The following HTR1F variants were observed in gnomAD, a reference collection of about 807,000 sequenced individuals.
HTR1F encodes the protein 5-hydroxytryptamine receptor 1F.
HTR1F carries 17 observed loss-of-function variants against 24.0 expected under a neutral mutation model. The ratio of observed to expected loss-of-function variants is 0.71; its 90% CI spans 0.48 to 1.06. The LOEUF (loss-of-function observed/expected upper bound fraction) is 1.06. HTR1F is among the 50% of genes least tolerant of loss of function. The pLI is 0.00. For missense variants in HTR1F, 391 were observed against 427.8 expected (o/e 0.91, Z 0.76); for synonymous variants, 186 against 156.8 (o/e 1.19, Z -1.39).
intron 2 of HTR1F, among the ~76,000 whole-genome samples, chr3:87,887,761 C>G (rs1281722460): frequency 6.6e-6 from 1 of 152,160 alleles, no homozygotes; most frequent in African/African-American, 2.4e-5. Context: ...AAATCAAAAC[C>G]ACAATGAGAT....
intron 2 of HTR1F, among the ~76,000 whole-genome samples, chr3:87,839,805 T>C (rs1310681674): frequency 6.6e-6 from 1 of 152,152 alleles, no homozygotes; most frequent in East Asian, 1.9e-4. Flanking sequence ...CCTATTTTTA[T>C]GACCATGTGT....
At chr3:87,841,923 G>GAAAAAAA (rs370439117) in intron 2 of HTR1F, among the ~76,000 whole-genome samples, 3 of 114,984 alleles carry the variant, frequency 2.6e-5, no homozygotes, top group Admixed American at 9.2e-5. Flanking sequence ...AAAAGAAAAA[G>GAAAAAAA]AAAAAAAAAA....
chr3:87,830,612 A>G (rs1451700780), intron 2 of HTR1F, among the ~76,000 whole-genome samples: 2 of 152,344 alleles, frequency 1.3e-5, no homozygotes, highest in South Asian at 2.1e-4. Flanking sequence ...GTATCTTGAA[A>G]TTAGTGGCAG....
At chr3:87,919,300 G>C (rs1313941611) in intron 2 of HTR1F, among the ~76,000 whole-genome samples, 1 of 151,894 alleles carries the variant, frequency 6.6e-6, no homozygotes, top group Non-Finnish European at 1.5e-5. Flanking sequence ...ACCCCTTCTA[G>C]ACAATGGCTT....
intron 2 of HTR1F, among the ~76,000 whole-genome samples, chr3:87,935,364 A>T (rs192979501): frequency 3.9e-5 from 6 of 152,256 alleles, no homozygotes; most frequent in Admixed American, 2.0e-4. Context: ...GCTCTTTAAG[A>T]GTCAATTTCA....
At chr3:87,799,014 GA>G (rs1457493697) in intron 1 of HTR1F, among the ~76,000 whole-genome samples, 4 of 152,040 alleles carry the variant, frequency 2.6e-5, no homozygotes, top group Non-Finnish European at 4.4e-5. Flanking sequence ...ACAAAAATAG[GA>G]AAAAATGAAA....
intron 2 of HTR1F, among the ~76,000 whole-genome samples, chr3:87,839,251 AG>A (rs1413847766): frequency 1.3e-5 from 2 of 152,016 alleles, no homozygotes; most frequent in Non-Finnish European, 2.9e-5. Flanking sequence ...CATTGTAGAT[AG>A]TGTAAGATAA....
At chr3:87,869,656 G>C (rs1272014010) in intron 2 of HTR1F, among the ~76,000 whole-genome samples, 1 of 152,030 alleles carries the variant, frequency 6.6e-6, no homozygotes. Flanking sequence ...CCAGAATCAA[G>C]ACACAAGAAA....
At chr3:87,947,798 T>TATC (rs10663762) in intron 2 of HTR1F, among the ~76,000 whole-genome samples, 145,867 of 152,150 alleles carry the variant, frequency 0.96, 69,963 homozygotes, top group African/African-American at 0.99. Flanking sequence ...ATATTTATTA[T>TATC]ATAACTATTA....
At position 87,952,601 on chromosome 3, in the gene HTR1F, C is replaced by T. The variant is rs140271473; in HGVS notation, c.-42-38107C>T. On this transcript the variant is annotated intron_variant, in intron 2 of 2. Transcript: ENST00000319595. ...GGCAATAAAGGAAATGATATCTTCA[C>T]GTAGAAATTTAAAAACCTGTTTCTC... 2.9e-3 allele frequency among the ~76,000 whole-genome samples: 443 copies of T among 152,048 alleles called. 2 individuals carry two copies. The highest frequency in any genetic ancestry group is 0.01 in the African/African-American group (425 of 41,546).
intron 2 of HTR1F, among the ~76,000 whole-genome samples, chr3:87,914,022 A>C (rs1402568776): frequency 1.3e-5 from 2 of 152,162 alleles, no homozygotes; most frequent in Non-Finnish European, 2.9e-5. Context: ...CTCCTGCAGG[A>C]CCCGGCAGAC....
intron 2 of HTR1F, among the ~76,000 whole-genome samples, chr3:87,840,395 A>G (rs1257976477): frequency 6.6e-6 from 1 of 152,168 alleles, no homozygotes; most frequent in Non-Finnish European, 1.5e-5. Flanking sequence ...TCACATCTGT[A>G]AGATTGGCTA....
intron 2 of HTR1F, among the ~76,000 whole-genome samples, chr3:87,934,427 T>C (rs1159046072): frequency 6.6e-6 from 1 of 152,186 alleles, no homozygotes; most frequent in Non-Finnish European, 1.5e-5. Flanking sequence ...AACTGCTTTG[T>C]CTCTGTAAAA....
intron 2 of HTR1F, among the ~76,000 whole-genome samples, chr3:87,847,125 A>C (rs973450630): frequency 7.2e-5 from 11 of 151,892 alleles, no homozygotes; most frequent in Admixed American, 5.9e-4. Context: ...AAAAATGTAC[A>C]GTTTCACTAA....
intron 2 of HTR1F, among the ~76,000 whole-genome samples, chr3:87,912,759 G>C (rs1400409802): frequency 1.3e-5 from 2 of 151,682 alleles, no homozygotes; most frequent in Non-Finnish European, 2.9e-5. Context: ...CAATGGAACA[G>C]AGTGGAGAGC....
chr3:87,977,833 G>A (rs1346244950), intron 2 of HTR1F, among the ~76,000 whole-genome samples: 1 of 152,052 alleles, frequency 6.6e-6, no homozygotes, highest in Non-Finnish European at 1.5e-5. Context: ...GGATCCTTAA[G>A]GTGTCACTTT....
chr3:87,984,043 T>C (rs1368574618), intron 2 of HTR1F, among the ~76,000 whole-genome samples: 1 of 152,176 alleles, frequency 6.6e-6, no homozygotes, highest in African/African-American at 2.4e-5. Flanking sequence ...AAGCCTCCTT[T>C]GTCTTCCTCA....
intron 2 of HTR1F, among the ~76,000 whole-genome samples, chr3:87,927,544 G>T (rs1704156887): frequency 6.6e-6 from 1 of 151,896 alleles, no homozygotes; most frequent in Non-Finnish European, 1.5e-5. Context: ...TTCCTAAATG[G>T]TATATTATAT....
intron 2 of HTR1F, among the ~76,000 whole-genome samples, chr3:87,832,187 A>G (rs894816327): frequency 6.6e-6 from 1 of 152,154 alleles, no homozygotes. Context: ...TCTTGAAAGT[A>G]TTGTCAAAGG....
Sources: gnomAD v4.1 joint callset for allele counts (sites outside exome capture counted in the v4.1 genomes callset) on GRCh38, gnomAD v4.1.1 for gene constraint, MANE v1.5 for transcripts, NCBI Gene and HGNC (gene_info 2026-07-23, HGNC 2026-07-21) for gene names.